Variants in MAGI2 observed in about 807,000 individuals in gnomAD.
MAGI2 encodes the protein membrane-associated guanylate kinase, WW and PDZ domain-containing protein 2.
Under a neutral mutation model 133.3 loss-of-function variants are expected in MAGI2, and 35 were observed. The observed-to-expected ratio is 0.26, with a 90% CI of 0.20 to 0.35. The LOEUF is 0.35. MAGI2 is among the 10% of genes least tolerant of loss of function. The pLI, the probability that MAGI2 is intolerant of heterozygous loss-of-function variation, is 1.00. For synonymous variants in MAGI2, 729 were observed against 710.6 expected, an observed-to-expected ratio of 1.03 and a Z score of -0.41; for missense variants, 1,636 against 1,863.4, an observed-to-expected ratio of 0.88 and a Z score of 2.25.
At chr7:78,605,617 A>T (rs1280563675) in intron 3 of MAGI2, among the ~76,000 whole-genome samples, 2 of 152,232 alleles carry the variant, frequency 1.3e-5, no homozygotes, top group Non-Finnish European at 2.9e-5. Context: ...GATGAAGCCT[A>T]TCGGGGACAT....
chr7:78,385,467 C>A (rs769341549), intron 6 of MAGI2, among the ~76,000 whole-genome samples: 84 of 152,116 alleles, frequency 5.5e-4, no homozygotes, highest in Non-Finnish European at 1.2e-4. Context: ...GAAAGGATGA[C>A]TATTTAGTGT....
chr7:78,124,070 G>A (rs899110591), intron 20 of MAGI2, among the ~76,000 whole-genome samples: 1 of 152,204 alleles, frequency 6.6e-6, no homozygotes, highest in Non-Finnish European at 1.5e-5. Context: ...CATGGCCACT[G>A]TTTGTAACCG....
At chr7:78,148,057 C>T (rs1823495697) in intron 16 of MAGI2, among the ~76,000 whole-genome samples, 1 of 152,044 alleles carries the variant, frequency 6.6e-6, no homozygotes, top group African/African-American at 2.4e-5. Flanking sequence ...TGAAATAAAA[C>T]CAATTTCCAC....
At chr7:78,893,095 A>G (rs1796905899) in intron 2 of MAGI2, among the ~76,000 whole-genome samples, 1 of 151,940 alleles carries the variant, frequency 6.6e-6, no homozygotes, top group South Asian at 2.1e-4. Flanking sequence ...TTCTCAAAAG[A>G]AGACATTTAT....
At chr7:78,322,428 C>T (rs898156333) in intron 9 of MAGI2, among the ~76,000 whole-genome samples, 1 of 152,130 alleles carries the variant, frequency 6.6e-6, no homozygotes, top group African/African-American at 2.4e-5. Flanking sequence ...TACTATGCAG[C>T]CATAAAAAAG....
intron 2 of MAGI2, among the ~76,000 whole-genome samples, chr7:78,888,915 A>G (rs992348622): frequency 7.9e-5 from 12 of 152,214 alleles, no homozygotes; most frequent in African/African-American, 2.2e-4. Flanking sequence ...AAGGCTTCAG[A>G]TGATCAAACT....
chr7:79,418,882 C>A (rs1846740665), intron 1 of MAGI2, among the ~76,000 whole-genome samples: 1 of 88,910 alleles, frequency 1.1e-5, no homozygotes, highest in South Asian at 3.2e-4. Context: ...CACACACACA[C>A]ACACATTTGT....
intron 1 of MAGI2, among the ~76,000 whole-genome samples, chr7:79,350,502 A>G (rs886867740): frequency 6.6e-6 from 1 of 152,128 alleles, no homozygotes. Flanking sequence ...GACCTTGCCT[A>G]ATTTTCTTAT....
intron 18 of MAGI2, among the ~76,000 whole-genome samples, chr7:78,132,514 C>A (rs968923144): frequency 6.6e-6 from 1 of 152,250 alleles, no homozygotes; most frequent in African/African-American, 2.4e-5. Context: ...TACTCTTCTC[C>A]TTCTGCCACC....
At chr7:78,893,266 T>C (rs1433991394) in intron 2 of MAGI2, among the ~76,000 whole-genome samples, 1 of 152,156 alleles carries the variant, frequency 6.6e-6, no homozygotes, top group Non-Finnish European at 1.5e-5. Flanking sequence ...ACAGGAACAC[T>C]TTTACACTGT....
chr7:78,414,308 T>C (rs1284783481), intron 6 of MAGI2, among the ~76,000 whole-genome samples: 2 of 151,890 alleles, frequency 1.3e-5, no homozygotes, highest in Admixed American at 6.6e-5. Context: ...TATTATTTTA[T>C]AAAAAGAAAA....
chr7:78,070,317 A>G (rs946468261), intron 21 of MAGI2, among the ~76,000 whole-genome samples: 1 of 148,332 alleles, frequency 6.7e-6, no homozygotes, highest in African/African-American at 2.5e-5. Context: ...GGAACCTCTC[A>G]TGGAAAAGGA....
chr7:78,591,797 CCTT>C (rs1563213737), intron 3 of MAGI2, among the ~76,000 whole-genome samples: 6 of 152,240 alleles, frequency 3.9e-5, no homozygotes, highest in Admixed American at 6.5e-5. Context: ...AAGGAATAAA[CCTT>C]CTTTTCACAA....
At chr7:79,235,436 A>G (rs893281705) in intron 1 of MAGI2, among the ~76,000 whole-genome samples, 1 of 152,114 alleles carries the variant, frequency 6.6e-6, no homozygotes, top group African/African-American at 2.4e-5. Flanking sequence ...CTGTGCTAGC[A>G]ATCAGCGAGA....
At chr7:79,236,549 C>T (rs1351318787) in intron 1 of MAGI2, among the ~76,000 whole-genome samples, 1 of 152,242 alleles carries the variant, frequency 6.6e-6, no homozygotes, top group African/African-American at 2.4e-5. Context: ...CCAGCAATCT[C>T]CATTCTGCCA....
chr7:78,250,325 A>C (rs1792256686), intron 10 of MAGI2, among the ~76,000 whole-genome samples: 1 of 152,088 alleles, frequency 6.6e-6, no homozygotes, highest in Admixed American at 6.5e-5. Flanking sequence ...TTACAAGGGA[A>C]ATAAATATCT....
intron 6 of MAGI2, among the ~76,000 whole-genome samples, chr7:78,436,367 G>A (rs900263782): frequency 6.6e-6 from 1 of 152,152 alleles, no homozygotes; most frequent in Admixed American, 6.5e-5. Flanking sequence ...GACATAGAGA[G>A]CCCTGAAGAG....
At chr7:78,692,285 A>G (rs1013788130) in intron 2 of MAGI2, among the ~76,000 whole-genome samples, 36 of 152,336 alleles carry the variant, frequency 2.4e-4, no homozygotes, top group Non-Finnish European at 4.3e-4. Flanking sequence ...AGGTCATAAA[A>G]GAAGAGACTG....
intron 4 of MAGI2, among the ~76,000 whole-genome samples, chr7:78,507,464 T>C (rs1795189279): frequency 6.6e-6 from 1 of 152,106 alleles, no homozygotes. Context: ...TCTTCCAAGT[T>C]GTGTCACTCA....
Sources: gnomAD v4.1 joint callset for allele counts (sites outside exome capture counted in the v4.1 genomes callset) on GRCh38, gnomAD v4.1.1 for gene constraint, MANE v1.5 for transcripts, NCBI Gene and HGNC (gene_info 2026-07-23, HGNC 2026-07-21) for gene names.